CNBD1: variants seen among roughly 807,000 people sequenced by gnomAD.
The protein encoded by CNBD1 is cyclic nucleotide binding domain containing 1.
Under a neutral mutation model 54.4 loss-of-function variants are expected in CNBD1, and 71 were observed. The ratio of observed to expected loss-of-function variants is 1.30; its 90% CI spans 1.08 to 1.59. CNBD1 has a LOEUF of 1.59. Ranked by LOEUF, CNBD1 falls within the 40% of genes most tolerant of loss-of-function variation. CNBD1 has a pLI of 0.00. For missense variants in CNBD1, 659 were observed against 518.0 expected, an observed-to-expected ratio of 1.27 and a Z score of -2.64; for synonymous variants, 182 against 170.7, an observed-to-expected ratio of 1.07 and a Z score of -0.51.
chr8:87,009,799 T>C (rs1809178263), intron 4 of CNBD1, among the ~76,000 whole-genome samples: 1 of 152,202 alleles, frequency 6.6e-6, no homozygotes, highest in Non-Finnish European at 1.5e-5. Flanking sequence ...GGCTTTTGTT[T>C]ATCTTAAGCA....
At chr8:87,379,186 A>C (rs1209292332) in intron 10 of CNBD1, among the ~76,000 whole-genome samples, 1 of 151,978 alleles carries the variant, frequency 6.6e-6, no homozygotes, top group Admixed American at 6.6e-5. Context: ...AAGTTCCAAC[A>C]CTATGTTGAA....
intron 8 of CNBD1, among the ~76,000 whole-genome samples, chr8:87,350,312 G>A (rs965799286): frequency 1.1e-4 from 17 of 151,910 alleles, no homozygotes; most frequent in African/African-American, 3.4e-4. Context: ...ATAAATGATT[G>A]ACAACAGTAG....
At chr8:86,992,381 C>T (rs1220031427) in intron 4 of CNBD1, among the ~76,000 whole-genome samples, 1 of 151,874 alleles carries the variant, frequency 6.6e-6, no homozygotes, top group Non-Finnish European at 1.5e-5. Flanking sequence ...ATAACATGGG[C>T]CTTTTGAAGA....
At chr8:86,886,480 ACAAT>A (rs1457324117) in intron 1 of CNBD1, among the ~76,000 whole-genome samples, 1 of 152,182 alleles carries the variant, frequency 6.6e-6, no homozygotes, top group East Asian at 1.9e-4. Context: ...GATATGGATA[ACAAT>A]CAGTTGTCTG....
At chr8:87,099,371 T>C (rs934281651) in intron 4 of CNBD1, among the ~76,000 whole-genome samples, 1 of 152,112 alleles carries the variant, frequency 6.6e-6, no homozygotes, top group Admixed American at 6.6e-5. Context: ...CCTTTGAACA[T>C]TTTTTGGCGG....
rs1808445721 is a variant in CNBD1, at chr8:87,275,064, G to T, written c.772-9614G>T. 3.0e-5 allele frequency among the ~76,000 whole-genome samples: 4 copies of T among 134,276 alleles called. 1 individual carries two copies. The highest frequency in any genetic ancestry group is 9.1e-5 in the African/African-American group (3 of 32,976). The allele number at this position is 134,276 out of a possible 152,430, so 88.1% of individuals were successfully genotyped here. A position where few individuals can be genotyped will look rare whatever the true frequency, so the allele number is the denominator to read the frequency against. On this transcript the variant is annotated intron_variant, in intron 6 of 10. Coordinates refer to ENST00000518476, the MANE Select transcript of CNBD1 (RefSeq NM_173538.3). ...CCCATTGCTTGTTTTTCTCAGGTTT[G>T]TCAAAGATCAGATAGCTGTAGATAT... is the stretch of plus-strand genomic sequence containing the variant.
At chr8:87,009,444 G>T (rs1448895436) in intron 4 of CNBD1, among the ~76,000 whole-genome samples, 2 of 151,938 alleles carry the variant, frequency 1.3e-5, no homozygotes, top group African/African-American at 2.4e-5. Context: ...GAGACTACAG[G>T]CACGTGCCAC....
intron 2 of CNBD1, among the ~76,000 whole-genome samples, chr8:87,400,108 A>G (rs959074923): frequency 1.3e-5 from 2 of 151,880 alleles, no homozygotes; most frequent in African/African-American, 2.4e-5. Context: ...CTTGAGCCTC[A>G]CCTTTTGTTC....
chr8:87,360,863 C>T (rs557536042), intron 10 of CNBD1, among the ~76,000 whole-genome samples: 1 of 151,952 alleles, frequency 6.6e-6, no homozygotes, highest in East Asian at 1.9e-4. Context: ...AAGACTATCT[C>T]TCATAATGCT....
intron 10 of CNBD1, 89 bp downstream of exon 10, chr8:87,353,875 C>A: frequency 1.1e-6 from 1 of 888,270 alleles, no homozygotes; most frequent in Non-Finnish European, 1.7e-6. Flanking sequence ...TAATCAGATG[C>A]ATATTTATTA....
At position 87,320,278 on chromosome 8, in the gene CNBD1, G is replaced by T. The variant is rs542045030; in HGVS notation, c.1043-31407G>T. 2.6e-5 allele frequency among the ~76,000 whole-genome samples: 4 copies of T among 152,182 alleles called. No homozygotes were observed. In the East Asian group the frequency reaches 5.8e-4, roughly 22 times the overall value. On this transcript the variant is annotated intron_variant, in intron 8 of 10. Transcript: ENST00000518476. Reference sequence around the variant, plus strand: ...TAATTGTGTTTTGTGCATGATAGGAGTTGCATCCTAATCACTTAATTACAT... The same window carrying T: ...TAATTGTGTTTTGTGCATGATAGGATTTGCATCCTAATCACTTAATTACAT...
At chr8:87,376,575 G>T (rs769519469) in intron 10 of CNBD1, among the ~76,000 whole-genome samples, 4 of 151,856 alleles carry the variant, frequency 2.6e-5, no homozygotes, top group Non-Finnish European at 5.9e-5. Context: ...ATAGCAACAT[G>T]CTTCGCACAC....
chr8:87,300,640 G>T (rs932875691), intron 8 of CNBD1, among the ~76,000 whole-genome samples: 2 of 152,028 alleles, frequency 1.3e-5, no homozygotes, highest in Non-Finnish European at 2.9e-5. Context: ...AATGGATAGT[G>T]CTTGTAGTCC....
intron 4 of CNBD1, among the ~76,000 whole-genome samples, chr8:86,980,467 T>G (rs986324158): frequency 1.2e-4 from 18 of 152,080 alleles, no homozygotes; most frequent in Admixed American, 2.0e-4. Flanking sequence ...TTTCCAGATT[T>G]AAAACATATT....
intron 8 of CNBD1, among the ~76,000 whole-genome samples, chr8:87,342,529 A>G (rs907414160): frequency 6.6e-6 from 1 of 152,148 alleles, no homozygotes; most frequent in African/African-American, 2.4e-5. Flanking sequence ...GAGAAAAACT[A>G]TTGGGGGAAC....
intron 4 of CNBD1, among the ~76,000 whole-genome samples, chr8:87,151,749 G>A (rs1812608983): frequency 6.7e-6 from 1 of 149,230 alleles, no homozygotes; most frequent in South Asian, 2.1e-4. Flanking sequence ...ATAATTAAAT[G>A]CATATTAAAA....
chr8:87,189,559 T>C (rs1159552627), intron 4 of CNBD1, among the ~76,000 whole-genome samples: 3 of 152,244 alleles, frequency 2.0e-5, no homozygotes, highest in East Asian at 1.9e-4. Flanking sequence ...AAAGGAAGCA[T>C]GTAAAAAAAT....
chr8:87,411,879 T>A (rs957091578), intron 2 of CNBD1, among the ~76,000 whole-genome samples: 1 of 151,958 alleles, frequency 6.6e-6, no homozygotes, highest in Non-Finnish European at 1.5e-5. Context: ...AATAGAAACC[T>A]AAACAATATT....
At chr8:87,196,576 T>G (rs1301704612) in intron 4 of CNBD1, among the ~76,000 whole-genome samples, 5 of 152,176 alleles carry the variant, frequency 3.3e-5, no homozygotes, top group Non-Finnish European at 7.4e-5. Context: ...TGCAAGAGCT[T>G]TAGAACACCA....
Sources: allele counts gnomAD v4.1 joint callset (sites outside exome capture counted in the v4.1 genomes callset), GRCh38; gene constraint gnomAD v4.1.1; transcripts MANE v1.5; gene names NCBI Gene and HGNC (gene_info 2026-07-23, HGNC 2026-07-21).